Variants in CABIN1 observed in about 807,000 individuals in gnomAD.
The protein encoded by CABIN1 is calcineurin-binding protein cabin-1.
Under a neutral mutation model 227.7 loss-of-function variants are expected in CABIN1, and 133 were observed. The ratio of observed to expected loss-of-function variants is 0.58; its 90% confidence interval spans 0.51 to 0.67. The LOEUF is 0.67. Ranked by LOEUF, CABIN1 falls within the 30% of genes least tolerant of loss-of-function variation. The pLI, the probability that CABIN1 is intolerant of heterozygous loss-of-function variation, is 0.00. For synonymous variants in CABIN1, 1,086 were observed against 1,155.1 expected (o/e 0.94, Z 1.21); for missense variants, 2,408 against 2,852.5 (o/e 0.84, Z 3.55).
chr22:24,168,446 G>C lies in CABIN1; in HGVS notation c.5683-1G>C, dbSNP rs1204823074. 1.3e-6 allele frequency: 2 copies of C among 1,569,848 alleles called. No individual in the cohort carries two copies. Among genetic ancestry groups the C allele is most frequent in the South Asian group, 2.3e-5 (2 of 85,540 alleles). On this transcript the variant is annotated splice_acceptor_variant, in intron 32 of 36. Transcript: ENST00000263119. LOFTEE classifies it high-confidence loss of function. ...CTGACTTCCAGCATCTCCCTGTTAA[G>C]GTGGATGAGGAGGCTGCGCTGGAGC...
intron 29 of CABIN1, among the ~76,000 whole-genome samples, chr22:24,142,056 C>G (rs1423308580): frequency 1.3e-5 from 2 of 152,024 alleles, no homozygotes; most frequent in African/African-American, 4.8e-5. Flanking sequence ...TCAGTCATGC[C>G]CATTGTACTT....
intron 8 of CABIN1, among the ~76,000 whole-genome samples, chr22:24,051,801 G>C (rs1159423291): frequency 6.6e-6 from 1 of 152,084 alleles, no homozygotes; most frequent in East Asian, 1.9e-4. Flanking sequence ...GGGTTGTCAT[G>C]ATAATGACAA....
chr22:24,094,823 C>CAA (rs201624847), intron 24 of CABIN1, among the ~76,000 whole-genome samples: 66 of 77,522 alleles, frequency 8.5e-4, no homozygotes, highest in Non-Finnish European at 1.2e-3. Flanking sequence ...GACTCCGTCT[C>CAA]AAAAAAAAAA....
intron 6 of CABIN1, among the ~76,000 whole-genome samples, chr22:24,047,429 C>T (rs1472311036): frequency 5.9e-5 from 9 of 152,180 alleles, no homozygotes; most frequent in Admixed American, 5.9e-4. Context: ...CAGCATCATC[C>T]AAGTGCTCAG....
At position 24,093,168 on chromosome 22, in the gene CABIN1, C is replaced by G. The variant is rs117804029; in HGVS notation, c.3786+1325C>G. On this transcript the variant is annotated intron_variant, in intron 24 of 36. Coordinates refer to ENST00000263119, the MANE Select transcript of CABIN1 (RefSeq NM_012295.4). ...CAACAATGGCTACTTGCCCCAAGGT[C>G]GTACTGACTGATGAGAGTGTTTGCT... Among the ~76,000 whole-genome samples, 1,145 of 152,294 alleles carry G rather than the reference C, an allele frequency of 7.5e-3. 6 individuals carry two copies. Among genetic ancestry groups the G allele is most frequent in the Non-Finnish European group, 0.011 (781 of 68,030 alleles).
intron 28 of CABIN1, among the ~76,000 whole-genome samples, chr22:24,128,694 A>G (rs1340213032): frequency 6.6e-6 from 1 of 152,184 alleles, no homozygotes; most frequent in East Asian, 1.9e-4. Flanking sequence ...TCCATTTGTC[A>G]TGGAACCCGT....
intron 26 of CABIN1, among the ~76,000 whole-genome samples, chr22:24,101,119 C>T (rs1238697608): frequency 6.6e-6 from 1 of 152,154 alleles, no homozygotes; most frequent in Non-Finnish European, 1.5e-5. Flanking sequence ...CCTACCCCCA[C>T]AGAACAATTA....
At chr22:24,049,320 GCCC>G in intron 7 of CABIN1, 100 bp downstream of exon 7, 1 of 1,447,024 alleles carries the variant, frequency 6.9e-7, no homozygotes, top group East Asian at 2.3e-5. Flanking sequence ...CATGGATGGA[GCCC>G]CTGTGCTCTG....
At chr22:24,023,336 TA>T (rs1382591232) in intron 1 of CABIN1, among the ~76,000 whole-genome samples, 4 of 152,244 alleles carry the variant, frequency 2.6e-5, no homozygotes, top group African/African-American at 9.6e-5. Flanking sequence ...CTATTGTGAA[TA>T]ATGCTGCAGT....
chr22:24,164,597 G>A, intron 30 of CABIN1, 34 bp downstream of exon 30: 1 of 1,597,794 alleles, frequency 6.3e-7, no homozygotes, highest in East Asian at 2.2e-5. Context: ...AGCCTGGCAT[G>A]CTGTGTGGGT....
At position 24,055,091 on chromosome 22, in the gene CABIN1, A is replaced by T; in HGVS notation, c.1025A>T (p.Tyr342Phe). The T allele has an allele frequency of 6.2e-7, 1 of 1,614,196 alleles. No individual in the cohort carries two copies. ...GCTGTCGCCGAGCCTGTGGTCTCCT[A>T]CACCTCTGTGGCTACAACCAGCTTC... The part of the protein sequence containing the change: ...AVAVAEPVVS[Y>F]TSVATTSFPL... Residue 342 changes from tyrosine to phenylalanine, a missense_variant, in exon 9 of 37, where the codon TAC becomes TTC. By Grantham distance (22) the Tyr-to-Phe change is conservative. Around this residue, in one of 3 missense-constraint regions of CABIN1, gnomAD observed 1,045 missense variants for 1,168.4 expected, o/e 0.89. Coordinates refer to ENST00000263119, the MANE Select transcript of CABIN1 (RefSeq NM_012295.4).
chr22:24,177,574 G>A lies in CABIN1; in HGVS notation c.6276G>A (p.Leu2092=). The part of the protein sequence containing the change: ...AQEAASETQP[L]SSPPTAASSK... The stretch of plus-strand genomic sequence containing the variant: ...AGGCTGCGAGTGAGACTCAGCCCCT[G>A]AGCTCTCCCCCAACAGCTGCCAGCT... The change falls in exon 36 of 37, where the codon CTG becomes CTA. Residue 2092 remains leucine (L), a synonymous_variant. Transcript: ENST00000263119. The surrounding 1 kb of genome is among the most constrained non-coding windows in gnomAD (Gnocchi z 4.4). 6.2e-7 allele frequency: 1 copy of A among 1,600,592 alleles called. No homozygotes were observed. Among genetic ancestry groups the A allele is most frequent in the Admixed American group, 1.7e-5 (1 of 59,302 alleles).
At chr22:24,045,376 G>A (rs2037784894) in intron 6 of CABIN1, among the ~76,000 whole-genome samples, 1 of 152,186 alleles carries the variant, frequency 6.6e-6, no homozygotes, top group South Asian at 2.1e-4. Context: ...CACTCTAGGA[G>A]GCTGAGATGG....
At chr22:24,170,223 G>T (rs1002719637) in intron 33 of CABIN1, 1 of 448,664 alleles carries the variant, frequency 2.2e-6, no homozygotes, top group Non-Finnish European at 4.5e-6. Flanking sequence ...AGATGCCACT[G>T]TAGGGGCTAG....
At chr22:24,113,144 TTATATGGTAGAAAAAC>T (rs1314724753) in intron 26 of CABIN1, among the ~76,000 whole-genome samples, 1 of 152,256 alleles carries the variant, frequency 6.6e-6, no homozygotes, top group Middle Eastern at 3.2e-3. Flanking sequence ...TCTGTTATAT[TTATATGGTAGAAAAAC>T]TACATAGTGG....
At chr22:24,173,989 T>C (rs1023296075) in intron 34 of CABIN1, among the ~76,000 whole-genome samples, 172 of 125,744 alleles carry the variant, frequency 1.4e-3, no homozygotes, top group African/African-American at 5.1e-3. Context: ...TTGGTATGGG[T>C]TTTTTTTTTT....
chr22:24,171,126 C>T (rs1173050113), intron 33 of CABIN1, among the ~76,000 whole-genome samples: 5 of 152,190 alleles, frequency 3.3e-5, no homozygotes, highest in Non-Finnish European at 7.3e-5. Context: ...ACCTGGAAAT[C>T]GAAGGCCCAT....
chr22:24,142,588 C>A (rs2044836188), intron 29 of CABIN1, among the ~76,000 whole-genome samples: 1 of 152,148 alleles, frequency 6.6e-6, no homozygotes, highest in East Asian at 1.9e-4. Flanking sequence ...AAGAGAGGTA[C>A]CTTCCCTGGT....
chr22:24,041,367 T>A (rs2037360345), intron 5 of CABIN1, 94 bp downstream of exon 5: 1 of 1,504,596 alleles, frequency 6.6e-7, no homozygotes, highest in African/African-American at 1.4e-5. Flanking sequence ...AAGAAGAGTT[T>A]GTAGTGGTGG....
Sources: allele counts gnomAD v4.1 joint callset (sites outside exome capture counted in the v4.1 genomes callset), GRCh38; gene constraint gnomAD v4.1.1; regional missense constraint gnomAD v4.1.1; non-coding constraint Gnocchi (gnomAD v3.1); transcripts MANE v1.5; gene names NCBI Gene and HGNC (gene_info 2026-07-23, HGNC 2026-07-21).